The following KCNH5 variants were observed in gnomAD, a reference collection of about 807,000 sequenced individuals.
KCNH5 encodes the protein voltage-gated delayed rectifier potassium channel KCNH5.
KCNH5 carries 46 observed loss-of-function variants against 96.1 expected under a neutral mutation model. That is an observed-to-expected ratio of 0.48 (90% CI 0.38 to 0.61). The LOEUF is 0.61. Ranked by LOEUF, KCNH5 falls within the 20% of genes least tolerant of loss-of-function variation. The probability of loss-of-function intolerance (pLI) is 0.00; values close to 1 mark genes in which losing one functional copy is unlikely to be tolerated. For missense variants in KCNH5, 907 were observed against 1,225.8 expected (o/e 0.74, Z 3.88); for synonymous variants, 439 against 449.8 (o/e 0.98, Z 0.30).
intron 9 of KCNH5, among the ~76,000 whole-genome samples, chr14:62,786,773 T>A (rs572545980): frequency 6.6e-6 from 1 of 152,322 alleles, no homozygotes; most frequent in South Asian, 2.1e-4. Flanking sequence ...ATTATTATTA[T>A]ATCTGTTATG....
At chr14:62,955,666 C>T (rs1490135612) in intron 6 of KCNH5, among the ~76,000 whole-genome samples, 1 of 152,066 alleles carries the variant, frequency 6.6e-6, no homozygotes, top group Non-Finnish European at 1.5e-5. Flanking sequence ...TAAACATGAG[C>T]ATTCTCTACA....
At chr14:62,934,136 C>CTTTTTT (rs71451286) in intron 7 of KCNH5, among the ~76,000 whole-genome samples, 2 of 141,442 alleles carry the variant, frequency 1.4e-5, no homozygotes, top group African/African-American at 5.1e-5. Flanking sequence ...TTCTTTCTTT[C>CTTTTTT]TTTTTTTTTT....
chr14:62,917,633 A>G (rs1889301003), intron 7 of KCNH5, among the ~76,000 whole-genome samples: 1 of 152,154 alleles, frequency 6.6e-6, no homozygotes, highest in African/African-American at 2.4e-5. Context: ...GAGATGAGAG[A>G]AGAGTTCATT....
Position 62,802,423 on chromosome 14 carries a change from G to T in KCNH5, c.1728C>A (p.Leu576=). The T allele has an allele frequency of 6.2e-7, 1 of 1,614,144 alleles. No individual in the cohort carries two copies. Among genetic ancestry groups the T allele is most frequent in the African/African-American group, 1.3e-5 (1 of 75,042 alleles). Residue 576 remains leucine (L), a synonymous_variant, in exon 9 of 11, where the codon CTC becomes CTA. Coordinates refer to ENST00000322893, the MANE Select transcript of KCNH5 (RefSeq NM_139318.5). ...CCACACTTTCTCCAGCATGGTAAAT[G>T]AGGTCCCCGGGAGCACAGTGAATGG... is the stretch of plus-strand genomic sequence containing the variant. ...FQTIHCAPGD[L]IYHAGESVDA...
intron 4 of KCNH5, among the ~76,000 whole-genome samples, chr14:62,998,746 A>G (rs1956677): frequency 0.99 from 151,152 of 152,284 alleles, 75,024 homozygotes; most frequent in Middle Eastern, 1. Context: ...CAAATATTTC[A>G]GGATCTTCCA....
chr14:62,917,927 A>C (rs552024537), intron 7 of KCNH5, among the ~76,000 whole-genome samples: 1 of 152,292 alleles, frequency 6.6e-6, no homozygotes, highest in South Asian at 2.1e-4. Flanking sequence ...TTTCTATCAA[A>C]AGAGGGAAAT....
chr14:62,708,423 T>C lies in KCNH5; in HGVS notation c.2052A>G (p.Lys684=). The change falls in exon 11 of 11, where the codon AAA becomes AAG. Residue 684 remains lysine, a synonymous_variant. Coordinates refer to ENST00000322893, the MANE Select transcript of KCNH5 (RefSeq NM_139318.5). ...TCTGCCGGAGGCGCTCCTCCTCCTC[T>C]TTCTTCACATCACTGATCTTACGAA... is the stretch of plus-strand genomic sequence containing the variant. ...IIFRKISDVK[K]EEEERLRQKN... 1.2e-6 allele frequency: 2 copies of C among 1,605,990 alleles called. No homozygotes were observed. The highest frequency in any genetic ancestry group is 1.7e-6 in the Non-Finnish European group (2 of 1,178,438).
At chr14:62,796,785 A>G (rs35679534) in intron 9 of KCNH5, among the ~76,000 whole-genome samples, 20,317 of 152,230 alleles carry the variant, frequency 0.13, 1,536 homozygotes, top group Non-Finnish European at 0.17. Flanking sequence ...GATATGAGAC[A>G]TCAATCAATA....
chr14:62,918,008 T>G (rs984458190), intron 7 of KCNH5, among the ~76,000 whole-genome samples: 1 of 152,174 alleles, frequency 6.6e-6, no homozygotes, highest in African/African-American at 2.4e-5. Context: ...TAAAGGATCC[T>G]GGTATAGAGT....
rs940628389 is a variant in KCNH5 at position 62,700,690 on chromosome 14, A to C, written c.*6818T>G. 5 of 152,166 alleles carry C rather than the reference A, an allele frequency of 3.3e-5. No individual in the cohort carries two copies. The highest frequency in any genetic ancestry group is 1.2e-4 in the African/African-American group (5 of 41,452). 9.4% of individuals were successfully genotyped at this position (152,166 alleles called of 1,614,324 possible). ...TCAAACACTGTAACATGGAATTATA[A>C]ATGAATCTTTGTTGTGATTTTGCAT... On this transcript the variant is annotated 3_prime_UTR_variant, in exon 11 of 11. Transcript: ENST00000322893.
intron 7 of KCNH5, among the ~76,000 whole-genome samples, chr14:62,899,362 A>T (rs898439941): frequency 6.6e-6 from 1 of 152,212 alleles, no homozygotes; most frequent in Admixed American, 6.5e-5. Flanking sequence ...CAAAATAGGA[A>T]AACAAATCAT....
chr14:62,743,268 G>A (rs966834950), intron 10 of KCNH5, among the ~76,000 whole-genome samples: 2 of 152,144 alleles, frequency 1.3e-5, no homozygotes, highest in African/African-American at 4.8e-5. Context: ...AAATTAGTTT[G>A]GGACAGGGTA....
intron 7 of KCNH5, among the ~76,000 whole-genome samples, chr14:62,932,571 T>C (rs925362333): frequency 1.3e-5 from 2 of 151,166 alleles, no homozygotes; most frequent in African/African-American, 4.9e-5. Flanking sequence ...CAGGAGTAAC[T>C]TGTGAATGAA....
At position 62,802,576 on chromosome 14, in the gene KCNH5, G is replaced by A; in HGVS notation, c.1575C>T (p.Leu525=). The A allele has an allele frequency of 6.2e-7, 1 of 1,613,832 alleles. No individual in the cohort carries two copies. The highest frequency in any genetic ancestry group is 8.5e-7 in the Non-Finnish European group (1 of 1,179,776). The part of the protein sequence containing the change: ...MSKGIDTEKV[L]SICPKDMRAD... ...CTCTCATGTCCTTGGGACAGATGGA[G>A]AGGACCTAAAGAAGGTGAGAGATGA... The change falls in exon 9 of 11, where the codon CTC becomes CTT. Residue 525 remains leucine (L), a synonymous_variant. Coordinates refer to ENST00000322893, the MANE Select transcript of KCNH5 (RefSeq NM_139318.5).
chr14:62,890,839 A>T (rs1888697150), intron 7 of KCNH5, among the ~76,000 whole-genome samples: 1 of 152,240 alleles, frequency 6.6e-6, no homozygotes, highest in Non-Finnish European at 1.5e-5. Flanking sequence ...AATCACAGTG[A>T]GATACCATCT....
chr14:62,862,728 G>A (rs1471927228), intron 7 of KCNH5, among the ~76,000 whole-genome samples: 4 of 152,164 alleles, frequency 2.6e-5, no homozygotes, highest in Non-Finnish European at 5.9e-5. Flanking sequence ...GACAACAAGA[G>A]AGCAAGAATA....
rs1594660962 is a variant in KCNH5, at chr14:62,987,067, C to T, written c.549+5G>A. The T allele has an allele frequency of 1.9e-6, 3 of 1,599,708 alleles. No individual in the cohort carries two copies. The highest frequency in any genetic ancestry group is 4.5e-5 in the East Asian group (2 of 44,772). ...CTTGGGAAGCAAAATTCATCTCATA[C>T]TTACTTCAGCTAGTCTTGAATGTTT... On this transcript the variant is annotated splice_donor_5th_base_variant and intron_variant, in intron 5 of 10. Coordinates refer to ENST00000322893, the MANE Select transcript of KCNH5 (RefSeq NM_139318.5).
intron 7 of KCNH5, among the ~76,000 whole-genome samples, chr14:62,907,842 G>A (rs1011905614): frequency 6.6e-6 from 1 of 152,276 alleles, no homozygotes; most frequent in Middle Eastern, 3.4e-3. Flanking sequence ...CCTGCCCTGT[G>A]TAACAGCATA....
Position 62,911,452 on chromosome 14 carries a change from T to G in KCNH5, c.1369+38681A>C, listed in dbSNP as rs368554694. Among the ~76,000 whole-genome samples the G allele has an allele frequency of 3.9e-4, 59 of 152,114 alleles. 3 individuals carry two copies. The South Asian group carries it at 8.3e-3, about 21-fold the overall frequency. On this transcript the variant is annotated intron_variant, in intron 7 of 10. Coordinates refer to ENST00000322893, the MANE Select transcript of KCNH5 (RefSeq NM_139318.5). ...AATCTTAATCAAAAGCCAAGTAGAA[T>G]GTTTCCATGGAACTTGATGAGATAA...
Sources: gnomAD v4.1 joint callset for allele counts (sites outside exome capture counted in the v4.1 genomes callset) on GRCh38, gnomAD v4.1.1 for gene constraint, MANE v1.5 for transcripts, NCBI Gene and HGNC (gene_info 2026-07-23, HGNC 2026-07-21) for gene names.